Variants in CAPZB observed in about 807,000 individuals in gnomAD.
The protein encoded by CAPZB is capping actin protein of muscle Z-line subunit beta, also known as F-actin-capping protein subunit beta.
CAPZB carries 2 observed loss-of-function variants against 38.1 expected under a neutral mutation model. The ratio of observed to expected loss-of-function variants is 0.05; its 90% confidence interval spans 0.02 to 0.17. The LOEUF is 0.17. Ranked by LOEUF, CAPZB falls within the 10% of genes least tolerant of loss-of-function variation. The pLI is 1.00. For synonymous variants in CAPZB, 107 were observed against 127.4 expected (o/e 0.84, Z 1.08); for missense variants, 161 against 334.2 (o/e 0.48, Z 4.04).
chr1:19,374,021 G>T (rs941212784), intron 4 of CAPZB, among the ~76,000 whole-genome samples: 1 of 152,170 alleles, frequency 6.6e-6, no homozygotes, highest in Non-Finnish European at 1.5e-5. Context: ...GTTAATGGGT[G>T]GGGGGCAGGC....
intron 1 of CAPZB, among the ~76,000 whole-genome samples, chr1:19,453,480 C>T (rs1412766755): frequency 2.0e-5 from 3 of 152,130 alleles, no homozygotes; most frequent in East Asian, 1.9e-4. Flanking sequence ...AGGCTGGACT[C>T]GAACTCCTGA....
chr1:19,372,243 A>G (rs894185124), intron 4 of CAPZB, among the ~76,000 whole-genome samples: 1 of 152,244 alleles, frequency 6.6e-6, no homozygotes, highest in African/African-American at 2.4e-5. Flanking sequence ...CACACCCACT[A>G]AAATTAACTT....
Position 19,344,454 on chromosome 1 carries a change from G to T in CAPZB, c.655-20C>A, listed in dbSNP as rs1414276604. On this transcript the variant is annotated intron_variant, in intron 7 of 8. Coordinates refer to ENST00000264202, the MANE Select transcript of CAPZB (RefSeq NM_004930.5). ...CATGTCCTGGAAGGGAGGTCGGTCA[G>T]CGCAGTGGCAAAAGGTCAGGAACCC... is the stretch of plus-strand genomic sequence containing the variant. The T allele has an allele frequency of 6.2e-7, 1 of 1,604,594 alleles. No homozygotes were observed. Among genetic ancestry groups the T allele is most frequent in the East Asian group, 2.2e-5 (1 of 44,830 alleles).
chr1:19,344,223 G>A (rs1358023965), intron 8 of CAPZB, 135 bp downstream of exon 8: 1 of 685,904 alleles, frequency 1.5e-6, no homozygotes, highest in African/African-American at 1.8e-5. Flanking sequence ...TCAACATAAT[G>A]ATCATCCCAG....
In CAPZB at chr1:19,484,566, G is replaced by A. The variant is rs1347885720; in HGVS notation, c.3+870C>T. 30 of 1,258,894 alleles carry A rather than the reference G, an allele frequency of 2.4e-5. No individual in the cohort carries two copies. In the Admixed American group the frequency reaches 8.5e-4, roughly 36 times the overall value. 78.0% of individuals were successfully genotyped at this position (1,258,894 alleles called of 1,614,324 possible). A position where few individuals can be genotyped will look rare whatever the true frequency, so the allele number is the denominator to read the frequency against. ...CTCCTAGGCGGCCTCCCTAGAAGCG[G>A]CAACTGAGAAGGCACAGCACCGGGA... On this transcript the variant is annotated intron_variant, in intron 1 of 8. Transcript: ENST00000264202.
At position 19,356,804 on chromosome 1, in the gene CAPZB, C is replaced by A; in HGVS notation, c.472-53G>T. 1.6e-6 allele frequency: 2 copies of A among 1,236,048 alleles called. No homozygotes were observed. The highest frequency in any genetic ancestry group is 2.4e-6 in the Non-Finnish European group (2 of 843,208). 76.6% of individuals were successfully genotyped at this position (1,236,048 alleles called of 1,614,324 possible). On this transcript the variant is annotated intron_variant, in intron 5 of 8. Transcript: ENST00000264202. This position sits in a 1 kb window ranked among gnomAD's most constrained non-coding sequence, Gnocchi z 4.3. ...AGCTGAGGGAGAGCCTGAAGTGGCCCCTGGAATTCAGGGTCATCCTAACAT... is the reference window on the plus strand; with the variant it reads ...AGCTGAGGGAGAGCCTGAAGTGGCCACTGGAATTCAGGGTCATCCTAACAT...
intron 2 of CAPZB, among the ~76,000 whole-genome samples, chr1:19,409,593 T>C (rs1270855655): frequency 6.6e-6 from 1 of 152,198 alleles, no homozygotes; most frequent in Admixed American, 6.5e-5. Context: ...CGGAGTCAGG[T>C]TGTCTGGGTT....
At chr1:19,399,010 C>G (rs2094288787) in intron 2 of CAPZB, among the ~76,000 whole-genome samples, 1 of 151,898 alleles carries the variant, frequency 6.6e-6, no homozygotes, top group Admixed American at 6.6e-5. Context: ...GTGCTTGCCA[C>G]CATGCTTGGC....
intron 8 of CAPZB, among the ~76,000 whole-genome samples, chr1:19,340,694 A>G (rs764556388): frequency 5.3e-5 from 8 of 152,204 alleles, no homozygotes; most frequent in African/African-American, 1.7e-4. Context: ...AAGCGAAGTC[A>G]AGGCTTAAAA....
chr1:19,455,036 A>G (rs2094528607), intron 1 of CAPZB, among the ~76,000 whole-genome samples: 2 of 152,244 alleles, frequency 1.3e-5, no homozygotes, highest in Non-Finnish European at 2.9e-5. Flanking sequence ...TTGCAGTCCA[A>G]GCAGCCAGGA....
At chr1:19,348,834 AG>A (rs1450060741) in intron 6 of CAPZB, among the ~76,000 whole-genome samples, 1 of 151,962 alleles carries the variant, frequency 6.6e-6, no homozygotes, top group African/African-American at 2.4e-5. Context: ...AAATATCTGC[AG>A]AAAAAAGACA....
intron 1 of CAPZB, among the ~76,000 whole-genome samples, chr1:19,471,865 C>CAAAAAAAAAAAAAA (rs59289947): frequency 7.4e-6 from 1 of 134,420 alleles, no homozygotes; most frequent in Admixed American, 7.1e-5. Flanking sequence ...GACTCCGTCT[C>CAAAAAAAAAAAAAA]AAAAAAAAAA....
chr1:19,442,344 G>T (rs576503414), intron 1 of CAPZB, among the ~76,000 whole-genome samples: 12 of 152,098 alleles, frequency 7.9e-5, no homozygotes, highest in Admixed American at 1.3e-4. Flanking sequence ...GCTGGGGAGT[G>T]GGGGGGCGTG....
chr1:19,378,685 G>C, intron 3 of CAPZB, 32 bp from the exon 4 acceptor site: 1 of 1,213,960 alleles, frequency 8.2e-7, no homozygotes, highest in Non-Finnish European at 1.2e-6. Flanking sequence ...TATATACCAT[G>C]AATCGTTCCA....
At chr1:19,342,577 C>T (rs536286566) in intron 8 of CAPZB, among the ~76,000 whole-genome samples, 11 of 152,196 alleles carry the variant, frequency 7.2e-5, no homozygotes, top group African/African-American at 2.4e-4. Context: ...TGATAGGTGC[C>T]GTGTTACATG....
At chr1:19,480,246 A>C (rs190115840) in intron 1 of CAPZB, among the ~76,000 whole-genome samples, 1 of 152,314 alleles carries the variant, frequency 6.6e-6, no homozygotes, top group East Asian at 1.9e-4. Flanking sequence ...TGGTATGCAG[A>C]ATAAGACATG....
chr1:19,396,138 C>A (rs1401996493), intron 2 of CAPZB, among the ~76,000 whole-genome samples: 1 of 152,258 alleles, frequency 6.6e-6, no homozygotes, highest in African/African-American at 2.4e-5. Context: ...GTGCAGGATG[C>A]GGTCTTGAGC....
chr1:19,348,493 C>T (rs188176760), intron 6 of CAPZB, among the ~76,000 whole-genome samples: 1 of 151,838 alleles, frequency 6.6e-6, no homozygotes, highest in African/African-American at 2.4e-5. Context: ...CCAGGCCTGG[C>T]GGTGGTGGGT....
At chr1:19,375,374 C>A (rs1345993984) in intron 4 of CAPZB, among the ~76,000 whole-genome samples, 1 of 152,196 alleles carries the variant, frequency 6.6e-6, no homozygotes, top group Non-Finnish European at 1.5e-5. Context: ...ACTGCTGTCC[C>A]TTTGGTGGTC....
Sources: gnomAD v4.1 joint callset for allele counts (sites outside exome capture counted in the v4.1 genomes callset) on GRCh38, gnomAD v4.1.1 for gene constraint, Gnocchi (gnomAD v3.1) non-coding constraint, MANE v1.5 for transcripts, NCBI Gene and HGNC (gene_info 2026-07-23, HGNC 2026-07-21) for gene names.